Variants in BRSK2 observed in about 807,000 individuals in gnomAD.
BRSK2 encodes BR serine/threonine kinase 2, also known as serine/threonine-protein kinase BRSK2.
BRSK2 carries 19 observed loss-of-function variants against 83.3 expected under a neutral mutation model. The observed-to-expected ratio is 0.23, with a 90% confidence interval of 0.16 to 0.33. The LOEUF is 0.33. Ranked by LOEUF, BRSK2 falls within the 10% of genes least tolerant of loss-of-function variation. The pLI is 1.00. For missense variants in BRSK2, 798 were observed against 1,042.3 expected (o/e 0.77, Z 3.23); for synonymous variants, 519 against 435.4 (o/e 1.19, Z -2.39).
intron 1 of BRSK2, among the ~76,000 whole-genome samples, chr11:1,435,021 G>A (rs1052432533): frequency 6.6e-6 from 1 of 151,566 alleles, no homozygotes; most frequent in African/African-American, 2.4e-5. Context: ...GAGGGGGACC[G>A]GGACCGTGTG....
chr11:1,399,962 AC>A (rs1383077782), intron 1 of BRSK2, among the ~76,000 whole-genome samples: 6 of 151,290 alleles, frequency 4.0e-5, no homozygotes, highest in Admixed American at 1.3e-4. Context: ...CGCCAGCAAC[AC>A]CCCCCACCTC....
chr11:1,408,814 T>G lies in BRSK2; in HGVS notation c.91+18439T>G, dbSNP rs541577081. 4.3e-5 allele frequency among the ~76,000 whole-genome samples: 6 copies of G among 139,588 alleles called. No individual in the cohort carries two copies. The East Asian group carries it at 6.0e-4, about 14-fold the overall frequency. The allele number at this position is 139,588 out of a possible 152,430, so 91.6% of individuals were successfully genotyped here. On this transcript the variant is annotated intron_variant, in intron 1 of 19. Coordinates refer to ENST00000528841, the MANE Select transcript of BRSK2 (RefSeq NM_001256627.2). Reference sequence around the variant, plus strand: ...AAGGGTGTGTGTTTGCCTGTGCTGGTGTGTGTGTGTGTGTGTGTGTGGCTG... The same window carrying G: ...AAGGGTGTGTGTTTGCCTGTGCTGGGGTGTGTGTGTGTGTGTGTGTGGCTG...
At position 1,454,770 on chromosome 11, in the gene BRSK2, T is replaced by G. The variant is rs1411022732; in HGVS notation, c.1668+162T>G. The stretch of plus-strand genomic sequence containing the variant: ...CTGGCCGCCTTCACTGGACAGGCGC[T>G]CTCTCCTGCCCACCCTCGTGAGGGA... On this transcript the variant is annotated intron_variant, in intron 16 of 19. Coordinates refer to ENST00000528841, the MANE Select transcript of BRSK2 (RefSeq NM_001256627.2). This position sits in a 1 kb window ranked among gnomAD's most constrained non-coding sequence, Gnocchi z 5.2. Among the ~76,000 whole-genome samples the G allele has an allele frequency of 1.3e-5, 2 of 152,252 alleles. No homozygotes were observed. The highest frequency in any genetic ancestry group is 1.9e-4 in the East Asian group (1 of 5,158).
chr11:1,399,768 C>T (rs538014908), intron 1 of BRSK2, among the ~76,000 whole-genome samples: 10 of 152,260 alleles, frequency 6.6e-5, no homozygotes, highest in East Asian at 1.9e-4. Flanking sequence ...AGTTCTGGGC[C>T]GACCAAATTC....
chr11:1,449,845 C>T lies in BRSK2; in HGVS notation c.1287+9C>T, dbSNP rs780165846. 6 of 1,597,526 alleles carry T rather than the reference C, an allele frequency of 3.8e-6. No homozygotes were observed. The East Asian group carries it at 6.7e-5, about 18-fold the overall frequency. ...CACTCAGCAGCCCCCGGGTGAGTGA[C>T]CCCCCGCCCCCACCCAGCTCGGATG... is the stretch of plus-strand genomic sequence containing the variant. On this transcript the variant is annotated intron_variant, in intron 13 of 19. Coordinates refer to ENST00000528841, the MANE Select transcript of BRSK2 (RefSeq NM_001256627.2).
intron 5 of BRSK2, 79 bp from the exon 6 acceptor site, chr11:1,443,027 C>T (rs1050014441): frequency 2.7e-6 from 4 of 1,463,860 alleles, no homozygotes; most frequent in Non-Finnish European, 1.8e-6. Context: ...CCTTGAGGGC[C>T]CTGCGGTGCA....
At chr11:1,392,761 G>A (rs959418258) in intron 1 of BRSK2, among the ~76,000 whole-genome samples, 3 of 152,346 alleles carry the variant, frequency 2.0e-5, no homozygotes, top group Admixed American at 1.3e-4. Context: ...GCCTTTCAGC[G>A]TGAGCGCTGC....
At chr11:1,451,505 G>A (rs771753204) in intron 15 of BRSK2, 86 bp downstream of exon 15, 285 of 1,412,236 alleles carry the variant, frequency 2.0e-4, no homozygotes, top group Admixed American at 3.5e-4. Flanking sequence ...TATGGCCAAC[G>A]GGGTGCTCCT....
At position 1,459,235 on chromosome 11, in the gene BRSK2, A is replaced by T; in HGVS notation, c.1983A>T (p.Lys661Asn). ...CMEMMTGRLS[K>N]CGSPLSNFFD... ...AAATGATGACGGGGCGGCTTTCCAA[A>T]TGTGGTAAGAATCCCCCACGCTCAC... Residue 661 changes from lysine to asparagine, a missense_variant, in exon 19 of 20, where the codon AAA becomes AAT. By Grantham distance (94) the Lys-to-Asn change is moderately conservative. This residue lies in a region of BRSK2 where 455 missense variants were observed against 455.2 expected (regional missense o/e 1.00). Transcript: ENST00000528841. The T allele has an allele frequency of 6.2e-7, 1 of 1,613,674 alleles. No homozygotes were observed. Among genetic ancestry groups the T allele is most frequent in the Admixed American group, 1.7e-5 (1 of 60,012 alleles).
intron 1 of BRSK2, among the ~76,000 whole-genome samples, chr11:1,407,968 C>G (rs1847021280): frequency 6.6e-6 from 1 of 152,230 alleles, no homozygotes; most frequent in African/African-American, 2.4e-5. Flanking sequence ...CTGAGCCCAC[C>G]TGCCCTGCAG....
At position 1,460,785 on chromosome 11, in the gene BRSK2, C is replaced by T; in HGVS notation, c.*62C>T. The stretch of plus-strand genomic sequence containing the variant: ...CGGCTGCCTCGCCGCCCGCCGCCCG[C>T]CCTGCCCCGAGTGGACCCGCGGCCG... On this transcript the variant is annotated 3_prime_UTR_variant, in exon 20 of 20. Coordinates refer to ENST00000528841, the MANE Select transcript of BRSK2 (RefSeq NM_001256627.2). 1 of 1,457,234 alleles carries T rather than the reference C, an allele frequency of 6.9e-7. No homozygotes were observed. The highest frequency in any genetic ancestry group is 9.0e-7 in the Non-Finnish European group (1 of 1,113,986). The allele number at this position is 1,457,234 out of a possible 1,614,324, so 90.3% of individuals were successfully genotyped here. A position where few individuals can be genotyped will look rare whatever the true frequency, so the allele number is the denominator to read the frequency against.
rs746735741 is a variant in BRSK2 at position 1,456,409 on chromosome 11, C to T, written c.1730C>T (p.Thr577Met). ...AGCTTCCGGGCCGAGTACAAGGCCA[C>T]GGGGGGGCCAGCCGTGTTCCAGAAG... ...QTSFRAEYKA[T>M]GGPAVFQKPV... The change falls in exon 17 of 20, where the codon ACG becomes ATG. Residue 577 changes from threonine (T) to methionine (M), a missense_variant. Around this residue, in one of 6 missense-constraint regions of BRSK2, gnomAD observed 455 missense variants for 455.2 expected, o/e 1.00. Transcript: ENST00000528841. 7.5e-6 allele frequency: 12 copies of T among 1,600,088 alleles called. No individual in the cohort carries two copies. Among genetic ancestry groups the T allele is most frequent in the Admixed American group, 1.7e-5 (1 of 57,996 alleles).
chr11:1,458,628 C>T (rs563576966), intron 18 of BRSK2, among the ~76,000 whole-genome samples: 113 of 152,286 alleles, frequency 7.4e-4, no homozygotes, highest in African/African-American at 2.4e-3. Context: ...CAGACCAGGG[C>T]GTGTGTCCAC....
intron 1 of BRSK2, chr11:1,411,292 G>A (rs1327253332): frequency 2.1e-5 from 28 of 1,322,734 alleles, no homozygotes; most frequent in Middle Eastern, 2.7e-4. Context: ...CCAGTGCCCC[G>A]CCATGGCCTG....
At chr11:1,403,481 T>C (rs1590327048) in intron 1 of BRSK2, among the ~76,000 whole-genome samples, 1 of 152,146 alleles carries the variant, frequency 6.6e-6, no homozygotes, top group African/African-American at 2.4e-5. Context: ...CCCTCTCTGC[T>C]CCTTCCACTC....
chr11:1,442,548 G>A lies in BRSK2; in HGVS notation c.472G>A (p.Ala158Thr), dbSNP rs1851486514. 6.2e-7 allele frequency: 1 copy of A among 1,612,926 alleles called. No homozygotes were observed. Among genetic ancestry groups the A allele is most frequent in the African/African-American group, 1.3e-5 (1 of 74,936 alleles). Residue 158 changes from alanine (A) to threonine (T), a missense_variant, in exon 5 of 20, where the codon GCA (alanine) becomes ACA (threonine). This residue lies in a region of BRSK2 where 109 missense variants were observed against 259.2 expected (regional missense o/e 0.42). Coordinates refer to ENST00000528841, the MANE Select transcript of BRSK2 (RefSeq NM_001256627.2). ...GGACGAGAAGAACAACATCCGCATC[G>A]CAGACTTTGGCATGGCGTCCCTGCA... ...LLDEKNNIRI[A>T]DFGMASLQVG...
chr11:1,393,284 G>A (rs1310595721), intron 1 of BRSK2, among the ~76,000 whole-genome samples: 5 of 152,092 alleles, frequency 3.3e-5, no homozygotes, highest in Non-Finnish European at 4.4e-5. Context: ...ACGTGGAGCA[G>A]GGCACCTTCT....
At chr11:1,398,731 C>G (rs1203480921) in intron 1 of BRSK2, among the ~76,000 whole-genome samples, 2 of 152,000 alleles carry the variant, frequency 1.3e-5, no homozygotes, top group Non-Finnish European at 2.9e-5. Flanking sequence ...CAGCCCTTTC[C>G]CCAGGGTTAG....
At chr11:1,433,267 T>C (rs889669396) in intron 1 of BRSK2, among the ~76,000 whole-genome samples, 7 of 152,250 alleles carry the variant, frequency 4.6e-5, no homozygotes, top group African/African-American at 1.4e-4. Flanking sequence ...CCACCTACCC[T>C]GGGAATGCTG....
Sources: gnomAD v4.1 joint callset for allele counts (sites outside exome capture counted in the v4.1 genomes callset) on GRCh38, gnomAD v4.1.1 for gene constraint, gnomAD v4.1.1 regional missense constraint, Gnocchi (gnomAD v3.1) non-coding constraint, MANE v1.5 for transcripts, NCBI Gene and HGNC (gene_info 2026-07-23, HGNC 2026-07-21) for gene names.